CNTNAP3B: variants seen among roughly 807,000 people sequenced by gnomAD.
CNTNAP3B encodes contactin associated protein family member 3B.
In CNTNAP3B, 25 loss-of-function variants were observed where a neutral mutation model predicts 108.9. That is an observed-to-expected ratio of 0.23 (90% confidence interval 0.17 to 0.32). The LOEUF (loss-of-function observed/expected upper bound fraction) is 0.32, where lower values mean the gene tolerates loss of function less well. Among genes scored for constraint, CNTNAP3B ranks in the 10% least tolerant of loss-of-function variants. The pLI is 1.00. For synonymous variants in CNTNAP3B, 103 were observed against 473.4 expected (o/e 0.22, Z 10.16); for missense variants, 252 against 1,210.4 (o/e 0.21, Z 11.75).
chr9:41,947,933 T>C (rs1239358375), intron 13 of CNTNAP3B, among the ~76,000 whole-genome samples: 1 of 151,876 alleles, frequency 6.6e-6, no homozygotes, highest in Non-Finnish European at 1.5e-5. Flanking sequence ...AATGGACAAA[T>C]TTCTCAAAAA....
chr9:41,972,650 C>G (rs1825442445), intron 9 of CNTNAP3B, among the ~76,000 whole-genome samples: 1 of 136,542 alleles, frequency 7.3e-6, no homozygotes, highest in Non-Finnish European at 1.6e-5. Flanking sequence ...TAACATTTAA[C>G]ACCATATTTG....
intron 13 of CNTNAP3B, among the ~76,000 whole-genome samples, chr9:41,938,990 C>T (rs1209493271): frequency 6.6e-6 from 1 of 152,190 alleles, no homozygotes; most frequent in Non-Finnish European, 1.5e-5. Context: ...AGAAATTTCT[C>T]ATGCGAAGAA....
chr9:42,128,248 T>C lies in CNTNAP3B; in HGVS notation c.85+762A>G, dbSNP rs1828614156. Among the ~76,000 whole-genome samples the C allele has an allele frequency of 1.4e-5, 2 of 140,312 alleles. 1 individual carries two copies. The highest frequency in any genetic ancestry group is 5.6e-5 in the African/African-American group (2 of 35,496). 92.1% of individuals were successfully genotyped at this position (140,312 alleles called of 152,430 possible). ...TCATCTGTCTGGAATATCATCATTA[T>C]ATTAGAATCATAGCCCATTCTAGAA... is the stretch of plus-strand genomic sequence containing the variant. On this transcript the variant is annotated intron_variant, in intron 1 of 23. Coordinates refer to ENST00000377561, the MANE Select transcript of CNTNAP3B (RefSeq NM_001201380.3).
chr9:41,960,593 C>G (rs1825051100), intron 12 of CNTNAP3B, among the ~76,000 whole-genome samples, 180 bp downstream of exon 12: 1 of 152,292 alleles, frequency 6.6e-6, no homozygotes, highest in South Asian at 2.1e-4. Flanking sequence ...GCCTATAATC[C>G]AACCCAGGCA....
intron 1 of CNTNAP3B, among the ~76,000 whole-genome samples, chr9:42,111,213 A>G (rs1828187683): frequency 7.2e-6 from 1 of 139,736 alleles, no homozygotes. Flanking sequence ...TTTCGAATGA[A>G]TAACAGCAGA....
At chr9:42,016,796 TG>T (rs1344303725) in intron 3 of CNTNAP3B, among the ~76,000 whole-genome samples, 13 of 151,112 alleles carry the variant, frequency 8.6e-5, no homozygotes, top group Admixed American at 6.6e-4. Flanking sequence ...CATCTTTCTT[TG>T]TAAAGTAGAA....
intron 3 of CNTNAP3B, among the ~76,000 whole-genome samples, chr9:42,064,972 C>T (rs1302333296): frequency 6.8e-6 from 1 of 147,192 alleles, no homozygotes; most frequent in Non-Finnish European, 1.5e-5. Flanking sequence ...GGATATCTAC[C>T]CAGTAATGGG....
intron 1 of CNTNAP3B, among the ~76,000 whole-genome samples, chr9:42,124,645 C>A (rs1267868541): frequency 2.4e-5 from 3 of 124,258 alleles, no homozygotes; most frequent in Non-Finnish European, 5.0e-5. Context: ...GTCAAAGGTG[C>A]GGAAGCCCAT....
chr9:42,036,482 A>C (rs1182873758), intron 3 of CNTNAP3B, among the ~76,000 whole-genome samples: 1 of 138,516 alleles, frequency 7.2e-6, no homozygotes, highest in Non-Finnish European at 1.5e-5. Flanking sequence ...ACTGCAAGGC[A>C]GCAGCGAGAC....
rs1368447797 is a variant in CNTNAP3B, at chr9:42,113,601, A to T, written c.86-8862T>A. On this transcript the variant is annotated intron_variant, in intron 1 of 23. Transcript: ENST00000377561. Reference sequence around the variant, plus strand: ...TCATGTGGCGATGTCATCACTAATAATTGTTATTACAAATGTATCCACAGC... The same window carrying T: ...TCATGTGGCGATGTCATCACTAATATTTGTTATTACAAATGTATCCACAGC... Among the ~76,000 whole-genome samples, 24 of 140,048 alleles carry T rather than the reference A, an allele frequency of 1.7e-4. 7 individuals carry two copies. The highest frequency in any genetic ancestry group is 6.8e-4 in the African/African-American group (24 of 35,406). 91.9% of individuals were successfully genotyped at this position (140,048 alleles called of 152,430 possible). A position where few individuals can be genotyped will look rare whatever the true frequency, so the allele number is the denominator to read the frequency against.
rs1239947293 is a variant in CNTNAP3B, at chr9:42,127,965, C to T, written c.85+1045G>A. Among the ~76,000 whole-genome samples, 14 of 139,414 alleles carry T rather than the reference C, an allele frequency of 1.0e-4. 1 individual carries two copies. Among genetic ancestry groups the T allele is most frequent in the Non-Finnish European group, 2.2e-4 (14 of 65,046 alleles). 91.5% of individuals were successfully genotyped at this position (139,414 alleles called of 152,430 possible). A position where few individuals can be genotyped will look rare whatever the true frequency, so the allele number is the denominator to read the frequency against. ...CTAAATTTCCAAACATGGCCACTAG[C>T]ATTTATTGGAACTTATTTCGAAAGA... On this transcript the variant is annotated intron_variant, in intron 1 of 23. Transcript: ENST00000377561.
At chr9:41,921,879 G>A (rs1199258573) in intron 17 of CNTNAP3B, among the ~76,000 whole-genome samples, 2 of 148,690 alleles carry the variant, frequency 1.3e-5, no homozygotes, top group South Asian at 2.2e-4. Flanking sequence ...TCCAATCAGC[G>A]GGTATCCTGC....
At chr9:41,968,102 G>A (rs1424600688) in intron 10 of CNTNAP3B, among the ~76,000 whole-genome samples, 1 of 152,216 alleles carries the variant, frequency 6.6e-6, no homozygotes, top group South Asian at 2.1e-4. Context: ...CATGCACAAA[G>A]CAGGCAAAAT....
rs1228772228 is a variant in CNTNAP3B at position 42,125,572 on chromosome 9, G to A, written c.85+3438C>T. 2.9e-5 allele frequency among the ~76,000 whole-genome samples: 4 copies of A among 139,486 alleles called. 1 individual carries two copies. Among genetic ancestry groups the A allele is most frequent in the Admixed American group, 2.1e-4 (3 of 14,108 alleles). 91.5% of individuals were successfully genotyped at this position (139,486 alleles called of 152,430 possible). A position where few individuals can be genotyped will look rare whatever the true frequency, so the allele number is the denominator to read the frequency against. On this transcript the variant is annotated intron_variant, in intron 1 of 23. Coordinates refer to ENST00000377561, the MANE Select transcript of CNTNAP3B (RefSeq NM_001201380.3). The stretch of plus-strand genomic sequence containing the variant: ...TTTTCATGATCAAACCAATGTCTTG[G>A]AATTGATTATCATTTCCATGGGCTA...
intron 2 of CNTNAP3B, among the ~76,000 whole-genome samples, chr9:42,087,535 C>T (rs865873699): frequency 1.4e-5 from 2 of 143,858 alleles, no homozygotes; most frequent in Middle Eastern, 3.4e-3. Context: ...TGCCCTATTG[C>T]ATTGCCCCTG....
chr9:41,956,084 A>T (rs187742282), intron 12 of CNTNAP3B, among the ~76,000 whole-genome samples: 1 of 152,228 alleles, frequency 6.6e-6, no homozygotes, highest in Non-Finnish European at 1.5e-5. Flanking sequence ...GAGTAAAAAA[A>T]AAAATAATAA....
At chr9:41,995,801 C>T (rs1488198153) in intron 7 of CNTNAP3B, among the ~76,000 whole-genome samples, 4 of 136,312 alleles carry the variant, frequency 2.9e-5, no homozygotes, top group Non-Finnish European at 6.2e-5. Context: ...TTTGGAAGGC[C>T]GAGGCAGGCA....
In CNTNAP3B at chr9:42,066,157, C is replaced by T. The variant is rs1344380262; in HGVS notation, c.390+10712G>A. On this transcript the variant is annotated intron_variant, in intron 3 of 23. Coordinates refer to ENST00000377561, the MANE Select transcript of CNTNAP3B (RefSeq NM_001201380.3). ...AAATTAGAGAGGATTAACATCTTTA[C>T]ATTACTGAGTCTTCATATCCATAAA... 2.2e-5 allele frequency among the ~76,000 whole-genome samples: 3 copies of T among 137,112 alleles called. 1 individual carries two copies. The highest frequency in any genetic ancestry group is 7.2e-5 in the Admixed American group (1 of 13,832). 90.0% of individuals were successfully genotyped at this position (137,112 alleles called of 152,430 possible).
At position 42,110,654 on chromosome 9, in the gene CNTNAP3B, G is replaced by A. The variant is rs144950056; in HGVS notation, c.86-5915C>T. On this transcript the variant is annotated intron_variant, in intron 1 of 23. Coordinates refer to ENST00000377561, the MANE Select transcript of CNTNAP3B (RefSeq NM_001201380.3). ...CACATATTGAGTCAGCAGGGAGCACGGCCTCGGGAATCGAATCACAAACAG... is the reference window on the plus strand; with the variant it reads ...CACATATTGAGTCAGCAGGGAGCACAGCCTCGGGAATCGAATCACAAACAG... 6.5e-5 allele frequency among the ~76,000 whole-genome samples: 9 copies of A among 137,452 alleles called. 1 individual carries two copies. The highest frequency in any genetic ancestry group is 5.8e-4 in the Admixed American group (8 of 13,802). 90.2% of individuals were successfully genotyped at this position (137,452 alleles called of 152,430 possible). A position where few individuals can be genotyped will look rare whatever the true frequency, so the allele number is the denominator to read the frequency against.
Sources: gnomAD v4.1 joint callset for allele counts (sites outside exome capture counted in the v4.1 genomes callset) on GRCh38, gnomAD v4.1.1 for gene constraint, MANE v1.5 for transcripts, NCBI Gene and HGNC (gene_info 2026-07-23, HGNC 2026-07-21) for gene names.